Variants in LMX1A observed in about 807,000 individuals in gnomAD.
LMX1A encodes LIM homeobox transcription factor 1-alpha.
LMX1A carries 15 observed loss-of-function variants against 49.1 expected under a neutral mutation model. The observed-to-expected ratio is 0.31, with a 90% confidence interval of 0.20 to 0.47. The LOEUF (loss-of-function observed/expected upper bound fraction) is 0.47, where lower values mean the gene tolerates loss of function less well. Ranked by LOEUF, LMX1A falls within the 20% of genes least tolerant of loss-of-function variation. The pLI, the probability that LMX1A is intolerant of heterozygous loss-of-function variation, is 1.00. For synonymous variants in LMX1A, 167 were observed against 185.7 expected (o/e 0.90, Z 0.82); for missense variants, 372 against 475.8 (o/e 0.78, Z 2.03).
At chr1:165,293,091 G>T (rs6677100) in intron 3 of LMX1A, among the ~76,000 whole-genome samples, 53,643 of 150,490 alleles carry the variant, frequency 0.36, 10,102 homozygotes, top group African/African-American at 0.47. Flanking sequence ...TACTCTAGCC[G>T]GGCGACAGAG....
rs532273213 is a variant in LMX1A, at chr1:165,227,753, T to C, written c.497-13940A>G. On this transcript the variant is annotated intron_variant, in intron 4 of 8. Coordinates refer to ENST00000342310, the MANE Select transcript of LMX1A (RefSeq NM_177398.4). ...AAATTCAAATTATTAATATTTTTCA[T>C]CACAGCTAAGTAATATTATATACCC... is the stretch of plus-strand genomic sequence containing the variant. Among the ~76,000 whole-genome samples the C allele has an allele frequency of 2.0e-5, 3 of 152,278 alleles. No individual in the cohort carries two copies. The South Asian group carries it at 6.2e-4, about 32-fold the overall frequency.
chr1:165,278,933 T>C (rs953319303), intron 3 of LMX1A, among the ~76,000 whole-genome samples: 2 of 152,110 alleles, frequency 1.3e-5, no homozygotes, highest in African/African-American at 2.4e-5. Flanking sequence ...TCAGACTTAT[T>C]ATACAACACC....
At chr1:165,341,539 T>C (rs986321667) in intron 3 of LMX1A, among the ~76,000 whole-genome samples, 10 of 151,974 alleles carry the variant, frequency 6.6e-5, no homozygotes, top group Non-Finnish European at 1.5e-4. Context: ...ACAAGAAGTG[T>C]CTTCCTTCAT....
In LMX1A at chr1:165,353,194, G is replaced by T. The variant is rs1359145261; in HGVS notation, c.145C>A (p.Arg49=). Residue 49 remains arginine (R), a synonymous_variant, in exon 3 of 9, where the codon CGG becomes AGG. Coordinates refer to ENST00000342310, the MANE Select transcript of LMX1A (RefSeq NM_177398.4). ...TCATGCCAGAAGCTGTCGTTGAGCC[G>T]CAGCAGAAACCTGTCCAAGATGACC... is the stretch of plus-strand genomic sequence containing the variant. ...QRVILDRFLL[R]LNDSFWHEQC... The T allele has an allele frequency of 6.8e-6, 11 of 1,613,904 alleles. No individual in the cohort carries two copies. The highest frequency in any genetic ancestry group is 9.3e-6 in the Non-Finnish European group (11 of 1,180,016).
intron 3 of LMX1A, among the ~76,000 whole-genome samples, chr1:165,301,116 A>C (rs1203620681): frequency 6.6e-6 from 1 of 152,098 alleles, no homozygotes; most frequent in East Asian, 1.9e-4. Context: ...GGCTTAACAC[A>C]ATTCCAAACC....
At chr1:165,261,549 A>G (rs941038382) in intron 3 of LMX1A, among the ~76,000 whole-genome samples, 2 of 152,354 alleles carry the variant, frequency 1.3e-5, no homozygotes, top group South Asian at 4.1e-4. Context: ...TATAGCCAAA[A>G]TGATTGAAAA....
chr1:165,351,738 G>A (rs752146163), intron 3 of LMX1A, among the ~76,000 whole-genome samples: 4 of 152,152 alleles, frequency 2.6e-5, no homozygotes, highest in Non-Finnish European at 1.5e-5. Context: ...TTTTTTGTGT[G>A]GTCACAGGGT....
At chr1:165,226,035 A>G (rs1652022826) in intron 4 of LMX1A, among the ~76,000 whole-genome samples, 1 of 151,938 alleles carries the variant, frequency 6.6e-6, no homozygotes, top group South Asian at 2.1e-4. Context: ...TTTTTTTACA[A>G]CCATCTTTTC....
chr1:165,204,971 A>T (rs1165328420), intron 8 of LMX1A, among the ~76,000 whole-genome samples: 2 of 152,126 alleles, frequency 1.3e-5, no homozygotes, highest in African/African-American at 2.4e-5. Flanking sequence ...GTGATATGGG[A>T]AAGTAGGCGT....
intron 4 of LMX1A, among the ~76,000 whole-genome samples, chr1:165,230,179 T>A (rs1652190175): frequency 6.6e-6 from 1 of 152,182 alleles, no homozygotes; most frequent in African/African-American, 2.4e-5. Flanking sequence ...CGACAAGAAT[T>A]CTGAGAAATA....
Position 165,290,085 on chromosome 1 carries a change from T to G in LMX1A, c.264-40445A>C, listed in dbSNP as rs115736707. On this transcript the variant is annotated intron_variant, in intron 3 of 8. Transcript: ENST00000342310. ...CATTTGGACCTGAGACATGAAGCCC[T>G]CAGTTTATGTATCAGTTAAATGGAC... Among the ~76,000 whole-genome samples, 400 of 152,312 alleles carry G rather than the reference T, an allele frequency of 2.6e-3. 2 individuals carry two copies. The highest frequency in any genetic ancestry group is 8.8e-3 in the African/African-American group (367 of 41,568).
chr1:165,217,271 G>C (rs1223989872), intron 4 of LMX1A, among the ~76,000 whole-genome samples: 1 of 152,122 alleles, frequency 6.6e-6, no homozygotes, highest in East Asian at 1.9e-4. Flanking sequence ...CAGAGCCCCA[G>C]AGGCAGGATG....
In LMX1A at chr1:165,249,437, C is replaced by T; in HGVS notation, c.467G>A (p.Ser156Asn). 1 of 1,613,998 alleles carries T rather than the reference C, an allele frequency of 6.2e-7. No individual in the cohort carries two copies. Among genetic ancestry groups the T allele is most frequent in the Non-Finnish European group, 8.5e-7 (1 of 1,179,868 alleles). The part of the protein sequence containing the change: ...GDYEKERELL[S>N]LVSPAASDSG... ...GTCTGAGGCTGCTGGGCTCACCAGG[C>T]TGAGCAGCTCCCGCTCCTTCTCATA... is the stretch of plus-strand genomic sequence containing the variant. The change falls in exon 4 of 9, where the codon AGC (serine) becomes AAC (asparagine). Residue 156 changes from serine to asparagine, a missense_variant. By Grantham distance (46) the Ser-to-Asn change is conservative. This residue lies in a region of LMX1A where 199 missense variants were observed against 244.0 expected (regional missense o/e 0.82). Coordinates refer to ENST00000342310, the MANE Select transcript of LMX1A (RefSeq NM_177398.4).
chr1:165,252,079 A>G (rs1195435333), intron 3 of LMX1A, among the ~76,000 whole-genome samples: 4 of 152,126 alleles, frequency 2.6e-5, no homozygotes, highest in Non-Finnish European at 4.4e-5. Flanking sequence ...GGCTCAAAAT[A>G]TTATCTTACT....
At chr1:165,227,553 G>GTACATACATACA (rs111962996) in intron 4 of LMX1A, among the ~76,000 whole-genome samples, 11,102 of 150,732 alleles carry the variant, frequency 0.074, 467 homozygotes, top group East Asian at 0.12. Flanking sequence ...TAATACATAC[G>GTACATACATACA]TACATACATA....
chr1:165,352,823 C>T (rs1365275102), intron 3 of LMX1A, among the ~76,000 whole-genome samples: 4 of 152,224 alleles, frequency 2.6e-5, no homozygotes, highest in East Asian at 3.9e-4. Flanking sequence ...AGAAAGCAGG[C>T]GAGCAGACCG....
In LMX1A at chr1:165,293,142, C is replaced by A. The variant is rs796584128; in HGVS notation, c.264-43502G>T. 9.7e-4 allele frequency among the ~76,000 whole-genome samples: 140 copies of A among 144,932 alleles called. 1 individual carries two copies. The highest frequency in any genetic ancestry group is 2.4e-3 in the African/African-American group (96 of 39,572). ...AAAAAAAAAACAAAACAAAACAAAACAAAAAAAAAACCTTACTGGATTACA... is the reference window on the plus strand; with the variant it reads ...AAAAAAAAAACAAAACAAAACAAAAAAAAAAAAAAACCTTACTGGATTACA... On this transcript the variant is annotated intron_variant, in intron 3 of 8. Transcript: ENST00000342310.
intron 4 of LMX1A, among the ~76,000 whole-genome samples, chr1:165,229,426 A>T (rs1028989321): frequency 2.0e-5 from 3 of 152,156 alleles, no homozygotes; most frequent in Admixed American, 6.5e-5. Context: ...CGTGTTCCCA[A>T]CTATCTCTTT....
intron 3 of LMX1A, among the ~76,000 whole-genome samples, chr1:165,271,501 T>C (rs1453676074): frequency 1.3e-5 from 2 of 152,202 alleles, no homozygotes; most frequent in Non-Finnish European, 2.9e-5. Context: ...TAAACTCATA[T>C]AGTTCACCTG....
Sources: allele counts gnomAD v4.1 joint callset (sites outside exome capture counted in the v4.1 genomes callset), GRCh38; gene constraint gnomAD v4.1.1; regional missense constraint gnomAD v4.1.1; transcripts MANE v1.5; gene names NCBI Gene and HGNC (gene_info 2026-07-23, HGNC 2026-07-21).